SLFN12L: variants seen among roughly 807,000 people sequenced by gnomAD.
SLFN12L encodes schlafen family member 12 like.
In SLFN12L, 34 loss-of-function variants were observed where a neutral mutation model predicts 34.8. That is an observed-to-expected ratio of 0.98 (90% CI 0.74 to 1.30). SLFN12L has a LOEUF of 1.30. SLFN12L is among the 50% of genes most tolerant of loss of function. The pLI, the probability that SLFN12L is intolerant of heterozygous loss-of-function variation, is 0.00. For synonymous variants in SLFN12L, 259 were observed against 247.5 expected, an observed-to-expected ratio of 1.05 and a Z score of -0.44; for missense variants, 703 against 696.2, an observed-to-expected ratio of 1.01 and a Z score of -0.11.
chr17:35,495,330 T>A (rs142693370), intron 2 of SLFN12L, among the ~76,000 whole-genome samples: 37 of 152,358 alleles, frequency 2.4e-4, no homozygotes, highest in Non-Finnish European at 4.3e-4. Context: ...AGGTTCATTG[T>A]CTTAAGTGCC....
rs1170249198 is a variant in SLFN12L at position 35,518,500 on chromosome 17, G to A, written c.86+3779C>T. ...CAGGAGGCAGAGGTTGCAGTAAGCC[G>A]AGATCGTGCCACTGCACTCCAGCCT... On this transcript the variant is annotated intron_variant, in intron 2 of 4. Coordinates refer to ENST00000628453, the MANE Select transcript of SLFN12L (RefSeq NM_001363830.2). 2.7e-5 allele frequency among the ~76,000 whole-genome samples: 4 copies of A among 149,466 alleles called. No homozygotes were observed. In the East Asian group the frequency reaches 5.9e-4, roughly 22 times the overall value.
At chr17:35,515,192 TC>T in intron 2 of SLFN12L, 1 of 599,634 alleles carries the variant, frequency 1.7e-6, no homozygotes. Flanking sequence ...CCCAGCCTCT[TC>T]CCCAGAACGC....
At chr17:35,523,530 A>G (rs551492353) in intron 1 of SLFN12L, among the ~76,000 whole-genome samples, 5 of 152,368 alleles carry the variant, frequency 3.3e-5, no homozygotes, top group Admixed American at 1.3e-4. Flanking sequence ...GAATTGTTGC[A>G]TCACATACAG....
chr17:35,518,077 CA>C (rs1196214703), intron 2 of SLFN12L, among the ~76,000 whole-genome samples: 1 of 152,108 alleles, frequency 6.6e-6, no homozygotes, highest in East Asian at 1.9e-4. Context: ...TTCTGCACAG[CA>C]AAATAAACTA....
chr17:35,476,920 G>A (rs899077761), intron 4 of SLFN12L, among the ~76,000 whole-genome samples: 13 of 152,080 alleles, frequency 8.5e-5, no homozygotes, highest in African/African-American at 2.9e-4. Context: ...GAAAATAAGA[G>A]AAAAACTGGA....
At chr17:35,491,000 C>T (rs543502314) in intron 2 of SLFN12L, 2 of 788,328 alleles carry the variant, frequency 2.5e-6, no homozygotes, top group South Asian at 2.7e-5. Context: ...TATGGGAAAC[C>T]TTTCTCCTCC....
intron 2 of SLFN12L, chr17:35,515,181 ACCCAGCCTCTTC>A: frequency 1.6e-6 from 1 of 609,600 alleles, no homozygotes; most frequent in South Asian, 1.4e-5. Flanking sequence ...CTCCGTTCCG[ACCCAGCCTCTTC>A]CCCAGAACGC....
intron 1 of SLFN12L, among the ~76,000 whole-genome samples, chr17:35,523,864 G>C (rs981639498): frequency 1.3e-5 from 2 of 152,122 alleles, no homozygotes; most frequent in African/African-American, 4.8e-5. Context: ...GAGCCCAGGA[G>C]GCGGAGGTTG....
Position 35,473,990 on chromosome 17 carries a change from C to G in SLFN12L, c.*933G>C, listed in dbSNP as rs1423375790. On this transcript the variant is annotated 3_prime_UTR_variant, in exon 5 of 5. Transcript: ENST00000628453. ...CTGGAGTGCAGTGGTGTGGTCTTGGCTCACTGTAACCTCCACTTCCTGCGT... is the reference window on the plus strand; with the variant it reads ...CTGGAGTGCAGTGGTGTGGTCTTGGGTCACTGTAACCTCCACTTCCTGCGT... The G allele has an allele frequency of 6.6e-6, 1 of 152,220 alleles. No individual in the cohort carries two copies. Among genetic ancestry groups the G allele is most frequent in the Admixed American group, 6.5e-5 (1 of 15,282 alleles). 9.4% of individuals were successfully genotyped at this position (152,220 alleles called of 1,614,324 possible).
At chr17:35,499,979 T>C (rs1274044181) in intron 2 of SLFN12L, 1 of 153,112 alleles carries the variant, frequency 6.5e-6, no homozygotes, top group Non-Finnish European at 1.5e-5. Context: ...AAAATATTTT[T>C]GTCTTATCAC....
chr17:35,486,594 A>AAATG (rs1312302012), intron 2 of SLFN12L, among the ~76,000 whole-genome samples: 1 of 152,192 alleles, frequency 6.6e-6, no homozygotes, highest in East Asian at 1.9e-4. Context: ...TGCTAAAATT[A>AAATG]AATAAATAAA....
In SLFN12L at chr17:35,477,603, C is replaced by T. The variant is rs1914093405; in HGVS notation, c.1276+472G>A. Among the ~76,000 whole-genome samples the T allele has an allele frequency of 2.0e-5, 3 of 152,040 alleles. No homozygotes were observed. The South Asian group carries it at 6.2e-4, about 32-fold the overall frequency. On this transcript the variant is annotated intron_variant, in intron 4 of 4. Coordinates refer to ENST00000628453, the MANE Select transcript of SLFN12L (RefSeq NM_001363830.2). ...AGTAAGAAAAAGATAAAGCCTATTA[C>T]AAAAATGAGCAAAAGACAGAATCGC...
At chr17:35,481,945 C>T (rs1914357046) in intron 2 of SLFN12L, among the ~76,000 whole-genome samples, 1 of 152,208 alleles carries the variant, frequency 6.6e-6, no homozygotes. Context: ...ACTGCAACCT[C>T]CACCTCCTGA....
At chr17:35,502,437 A>AAAAC (rs1555543243) in intron 2 of SLFN12L, among the ~76,000 whole-genome samples, 3 of 148,882 alleles carry the variant, frequency 2.0e-5, no homozygotes, top group African/African-American at 4.9e-5. Context: ...AAAAAAAAAA[A>AAAAC]AAAAAACGAT....
intron 2 of SLFN12L, among the ~76,000 whole-genome samples, chr17:35,494,493 G>C (rs566872388): frequency 6.6e-6 from 1 of 152,212 alleles, no homozygotes; most frequent in Non-Finnish European, 1.5e-5. Context: ...TAGGAATGAG[G>C]CAAGGATACT....
intron 2 of SLFN12L, among the ~76,000 whole-genome samples, chr17:35,507,641 G>A (rs1003885260): frequency 6.6e-6 from 1 of 152,202 alleles, no homozygotes; most frequent in Non-Finnish European, 1.5e-5. Context: ...CTGGGGCCAT[G>A]TTTGAAAAAT....
chr17:35,515,224 G>C (rs1028156146), intron 2 of SLFN12L: 3 of 538,960 alleles, frequency 5.6e-6, no homozygotes, highest in African/African-American at 3.9e-5. Context: ...CTGCGGCGGT[G>C]GGGGAAAGGA....
At chr17:35,494,454 G>A (rs1914965364) in intron 2 of SLFN12L, among the ~76,000 whole-genome samples, 2 of 152,186 alleles carry the variant, frequency 1.3e-5, no homozygotes, top group Admixed American at 6.5e-5. Context: ...CACTCAGTGA[G>A]GAAATATTAA....
At position 35,480,036 on chromosome 17, in the gene SLFN12L, C is replaced by A; in HGVS notation, c.246G>T (p.Gln82His). ...KMKDCQLRKQ[Q>H]NENVSRAVCA... is the part of the protein sequence containing the mutation. ...ACACAGCTCGTGAGACATTTTCATT[C>A]TGCTGTTTTCTCAGTTGACAATCCT... is the stretch of plus-strand genomic sequence containing the variant. The change falls in exon 3 of 5, where the codon CAG (glutamine) becomes CAT (histidine). Residue 82 changes from glutamine to histidine, a missense_variant. Physicochemically the swap from Gln to His is conservative, Grantham distance 24. Coordinates refer to ENST00000628453, the MANE Select transcript of SLFN12L (RefSeq NM_001363830.2). 6.2e-7 allele frequency: 1 copy of A among 1,614,178 alleles called. No homozygotes were observed. Among genetic ancestry groups the A allele is most frequent in the South Asian group, 1.1e-5 (1 of 91,084 alleles).
Sources: gnomAD v4.1 joint callset for allele counts (sites outside exome capture counted in the v4.1 genomes callset) on GRCh38, gnomAD v4.1.1 for gene constraint, MANE v1.5 for transcripts, NCBI Gene and HGNC (gene_info 2026-07-23, HGNC 2026-07-21) for gene names.